LRRN2: variants seen among roughly 807,000 people sequenced by gnomAD.
The protein encoded by LRRN2 is leucine-rich repeat neuronal protein 2.
In LRRN2, 10 loss-of-function variants were observed where a neutral mutation model predicts 35.7. The observed-to-expected ratio is 0.28, with a 90% CI of 0.17 to 0.47. The LOEUF (loss-of-function observed/expected upper bound fraction) is 0.47, where lower values mean the gene tolerates loss of function less well. Ranked by LOEUF, LRRN2 falls within the 20% of genes least tolerant of loss-of-function variation. The pLI is 0.99. For missense variants in LRRN2, 731 were observed against 940.3 expected (o/e 0.78, Z 2.91); for synonymous variants, 391 against 409.6 (o/e 0.95, Z 0.55).
At chr1:204,656,704 C>A (rs1023775305) in intron 1 of LRRN2, among the ~76,000 whole-genome samples, 12 of 152,214 alleles carry the variant, frequency 7.9e-5, no homozygotes, top group Non-Finnish European at 2.9e-5. Context: ...GACACAGTTC[C>A]ATGACCTATT....
At chr1:204,625,013 C>G (rs1048696688) in intron 1 of LRRN2, among the ~76,000 whole-genome samples, 15 of 152,358 alleles carry the variant, frequency 9.8e-5, no homozygotes, top group African/African-American at 2.9e-4. Context: ...GGGAGGTAAG[C>G]CTGGCCCCTC....
chr1:204,684,883 C>A (rs1169658531), intron 1 of LRRN2, among the ~76,000 whole-genome samples: 3 of 152,216 alleles, frequency 2.0e-5, no homozygotes, highest in Non-Finnish European at 4.4e-5. Flanking sequence ...GGAGCGCTTC[C>A]AGCCTGCCAG....
chr1:204,617,952 C>G lies in LRRN2; in HGVS notation c.2041G>C (p.Val681Leu). The change falls in exon 2 of 2, where the codon GTT becomes CTT. Residue 681 changes from valine (V) to leucine (L), a missense_variant. By Grantham distance (32) the Val-to-Leu change is conservative. Transcript: ENST00000367177. ...FWGWSAPSVRVVSAPLVLPWN... is the reference protein window; with the variant it reads ...FWGWSAPSVRLVSAPLVLPWN... Reference sequence around the variant, plus strand: ...GGCAGGACGAGGGGAGCAGACACAACCCGGACAGAAGGGGCACTCCAGCCC... The same window carrying G: ...GGCAGGACGAGGGGAGCAGACACAAGCCGGACAGAAGGGGCACTCCAGCCC... 1.2e-6 allele frequency: 2 copies of G among 1,614,006 alleles called. No individual in the cohort carries two copies. Among genetic ancestry groups the G allele is most frequent in the Non-Finnish European group, 1.7e-6 (2 of 1,180,020 alleles).
rs184208929 is a variant in LRRN2 at position 204,655,350 on chromosome 1, C to T, written c.-227+29970G>A. On this transcript the variant is annotated intron_variant, in intron 1 of 1. Coordinates refer to ENST00000367177, the MANE Select transcript of LRRN2 (RefSeq NM_201630.2). The stretch of plus-strand genomic sequence containing the variant: ...TCACCCAGGCTGGAGTGCAGTGGCG[C>T]GATCTGGGGTCACTGCAGCCCCTGT... 3.5e-4 allele frequency among the ~76,000 whole-genome samples: 54 copies of T among 152,324 alleles called. No individual in the cohort carries two copies. In the East Asian group the frequency reaches 8.1e-3, roughly 23 times the overall value.
At position 204,644,158 on chromosome 1, in the gene LRRN2, G is replaced by C. The variant is rs138055980; in HGVS notation, c.-226-23940C>G. On this transcript the variant is annotated intron_variant, in intron 1 of 1. Coordinates refer to ENST00000367177, the MANE Select transcript of LRRN2 (RefSeq NM_201630.2). Reference sequence around the variant, plus strand: ...AAAGGAGGTCCTGGGGGGAACAGCTGCTTAGTAAAATGGGAGTGGTGGTCA... The same window carrying C: ...AAAGGAGGTCCTGGGGGGAACAGCTCCTTAGTAAAATGGGAGTGGTGGTCA... 5.2e-3 allele frequency among the ~76,000 whole-genome samples: 787 copies of C among 152,230 alleles called. 5 individuals are homozygous for C. The highest frequency in any genetic ancestry group is 8.6e-3 in the Non-Finnish European group (586 of 68,014).
intron 1 of LRRN2, among the ~76,000 whole-genome samples, chr1:204,659,683 T>A (rs1350822862): frequency 1.3e-5 from 2 of 151,932 alleles, no homozygotes; most frequent in African/African-American, 4.8e-5. Flanking sequence ...TTGAAATGCA[T>A]TGTAGGATTT....
chr1:204,650,419 C>G (rs1451630347), intron 1 of LRRN2, among the ~76,000 whole-genome samples: 1 of 152,200 alleles, frequency 6.6e-6, no homozygotes, highest in Non-Finnish European at 1.5e-5. Context: ...GGGACACACT[C>G]AGCAGTGGCT....
Position 204,618,217 on chromosome 1 carries a change from C to T in LRRN2, c.1776G>A (p.Glu592=), listed in dbSNP as rs1666513005. Residue 592 remains glutamate (E), a synonymous_variant, in exon 2 of 2, where the codon GAG becomes GAA. Coordinates refer to ENST00000367177, the MANE Select transcript of LRRN2 (RefSeq NM_201630.2). ...AGGCCACTTGCAGGCAGGCCCAGTACTCCGTGGCCTGAAGGAGGCGGGTAA... is the reference window on the plus strand; with the variant it reads ...AGGCCACTTGCAGGCAGGCCCAGTATTCCGTGGCCTGAAGGAGGCGGGTAA... ...YNITRLLQAT[E]YWACLQVAFA... The T allele has an allele frequency of 6.2e-7, 1 of 1,613,946 alleles. No homozygotes were observed. The highest frequency in any genetic ancestry group is 8.5e-7 in the Non-Finnish European group (1 of 1,179,988).
chr1:204,671,431 G>GTGTGTA (rs1490816530), intron 1 of LRRN2, among the ~76,000 whole-genome samples: 1 of 150,320 alleles, frequency 6.7e-6, no homozygotes, highest in Non-Finnish European at 1.5e-5. Context: ...GTGTGTGTGT[G>GTGTGTA]TGTGTGTCCC....
At chr1:204,630,530 C>A (rs546986696) in intron 1 of LRRN2, among the ~76,000 whole-genome samples, 1 of 151,992 alleles carries the variant, frequency 6.6e-6, no homozygotes, top group African/African-American at 2.4e-5. Flanking sequence ...AGTCACGCCG[C>A]GGAAGGAGTC....
chr1:204,642,385 C>A (rs1027429734), intron 1 of LRRN2, among the ~76,000 whole-genome samples: 6 of 152,154 alleles, frequency 3.9e-5, no homozygotes, highest in African/African-American at 1.4e-4. Flanking sequence ...TGCAGGTGTA[C>A]ATGGGACTGA....
chr1:204,636,417 A>G (rs1356204137), intron 1 of LRRN2, among the ~76,000 whole-genome samples: 1 of 152,238 alleles, frequency 6.6e-6, no homozygotes, highest in African/African-American at 2.4e-5. Context: ...GCTGCACCAT[A>G]GAATTACATG....
At chr1:204,623,286 A>G (rs1466547969) in intron 1 of LRRN2, among the ~76,000 whole-genome samples, 1 of 152,194 alleles carries the variant, frequency 6.6e-6, no homozygotes, top group Non-Finnish European at 1.5e-5. Flanking sequence ...GCTCAACTGC[A>G]CTGAGGGGAT....
Position 204,618,299 on chromosome 1 carries a change from C to T in LRRN2, c.1694G>A (p.Arg565Gln), listed in dbSNP as rs190535053. ...GGCCAGAGCTGTGGCCCCCTGGCCC[C>T]GGAGGGAGGAGGCACTGGACCAGGT... ...NLTWSSASSLRGQGATALARL... is the reference protein window; with the variant it reads ...NLTWSSASSLQGQGATALARL... Residue 565 changes from arginine (R) to glutamine (Q), a missense_variant, in exon 2 of 2, where the codon CGG becomes CAG. By Grantham distance (43) the Arg-to-Gln change is conservative (BLOSUM62 1). This residue lies in a region of LRRN2 where 229 missense variants were observed against 258.4 expected (regional missense o/e 0.89). Coordinates refer to ENST00000367177, the MANE Select transcript of LRRN2 (RefSeq NM_201630.2). The T allele has an allele frequency of 1.6e-4, 251 of 1,598,240 alleles. No homozygotes were observed. Among genetic ancestry groups the T allele is most frequent in the South Asian group, 4.6e-5 (4 of 87,908 alleles).
chr1:204,659,710 T>C (rs899867824), intron 1 of LRRN2, among the ~76,000 whole-genome samples: 2 of 152,158 alleles, frequency 1.3e-5, no homozygotes, highest in Non-Finnish European at 2.9e-5. Context: ...CCAGTGTATT[T>C]ACTATGCAAA....
intron 1 of LRRN2, among the ~76,000 whole-genome samples, chr1:204,672,626 G>C (rs1404799325): frequency 6.6e-6 from 1 of 152,212 alleles, no homozygotes; most frequent in Non-Finnish European, 1.5e-5. Context: ...ACAGACTCCT[G>C]CTGCAGGCAG....
Position 204,678,040 on chromosome 1 carries a change from G to A in LRRN2, c.-227+7280C>T, listed in dbSNP as rs917596571. On this transcript the variant is annotated intron_variant, in intron 1 of 1. Transcript: ENST00000367177. Reference sequence around the variant, plus strand: ...CGAGAATCCTTCCCACTGCAGAGTCGAATCTACTCCATTTTCCAAGCCTAA... The same window carrying A: ...CGAGAATCCTTCCCACTGCAGAGTCAAATCTACTCCATTTTCCAAGCCTAA... Among the ~76,000 whole-genome samples, 5 of 152,036 alleles carry A rather than the reference G, an allele frequency of 3.3e-5. No individual in the cohort carries two copies. In the East Asian group the frequency reaches 5.8e-4, roughly 18 times the overall value.
intron 1 of LRRN2, among the ~76,000 whole-genome samples, chr1:204,665,379 A>G (rs1668556243): frequency 6.6e-6 from 1 of 151,908 alleles, no homozygotes; most frequent in Non-Finnish European, 1.5e-5. Context: ...GCTCTAAGTG[A>G]TCCTCCCACC....
chr1:204,618,561 G>C lies in LRRN2; in HGVS notation c.1432C>G (p.Pro478Ala). 6.2e-7 allele frequency: 1 copy of C among 1,614,060 alleles called. No homozygotes were observed. Among genetic ancestry groups the C allele is most frequent in the Non-Finnish European group, 8.5e-7 (1 of 1,180,032 alleles). Reference sequence around the variant, plus strand: ...CTCCGCAGCTCCAGGGTCCCCTCGGGGTACACCCGGTACCTCCTGCCTGCA... The same window carrying C: ...CTCCGCAGCTCCAGGGTCCCCTCGGCGTACACCCGGTACCTCCTGCCTGCA... ...AHAGRRYRVY[P>A]EGTLELRRVT... The change falls in exon 2 of 2, where the codon CCC (proline) becomes GCC (alanine). Residue 478 changes from proline to alanine, a missense_variant. By Grantham distance (27) the Pro-to-Ala change is conservative. Coordinates refer to ENST00000367177, the MANE Select transcript of LRRN2 (RefSeq NM_201630.2).
Sources: gnomAD v4.1 joint callset for allele counts (sites outside exome capture counted in the v4.1 genomes callset) on GRCh38, gnomAD v4.1.1 for gene constraint, gnomAD v4.1.1 regional missense constraint, MANE v1.5 for transcripts, NCBI Gene and HGNC (gene_info 2026-07-23, HGNC 2026-07-21) for gene names.